Variants in EGFLAM observed in about 807,000 individuals in gnomAD.
EGFLAM encodes the protein pikachurin.
In EGFLAM, 79 loss-of-function variants were observed where a neutral mutation model predicts 113.1. The observed-to-expected ratio is 0.70, with a 90% confidence interval of 0.58 to 0.84. EGFLAM has a LOEUF of 0.84. Among genes scored for constraint, EGFLAM ranks in the 40% least tolerant of loss-of-function variants. The probability of loss-of-function intolerance (pLI) is 0.00; values close to 1 mark genes in which losing one functional copy is unlikely to be tolerated. For synonymous variants in EGFLAM, 504 were observed against 487.6 expected, an observed-to-expected ratio of 1.03 and a Z score of -0.44; for missense variants, 1,265 against 1,291.6, an observed-to-expected ratio of 0.98 and a Z score of 0.32.
intron 18 of EGFLAM, among the ~76,000 whole-genome samples, chr5:38,450,495 A>T (rs1283753514): frequency 6.6e-6 from 1 of 152,248 alleles, no homozygotes; most frequent in Non-Finnish European, 1.5e-5. Flanking sequence ...TAGAGAATGG[A>T]CAAAGAAACT....
intron 1 of EGFLAM, among the ~76,000 whole-genome samples, chr5:38,317,799 A>G (rs1252796999): frequency 6.6e-6 from 1 of 152,216 alleles, no homozygotes; most frequent in East Asian, 1.9e-4. Context: ...AAATGTTTCA[A>G]GCTTCGATCA....
chr5:38,438,966 T>A (rs1489323356), intron 17 of EGFLAM, among the ~76,000 whole-genome samples: 5 of 152,234 alleles, frequency 3.3e-5, no homozygotes, highest in African/African-American at 4.8e-5. Context: ...TGCTATTTTT[T>A]AGGCTATCAA....
chr5:38,372,331 C>T (rs62353604), intron 6 of EGFLAM, among the ~76,000 whole-genome samples: 5,566 of 152,084 alleles, frequency 0.037, 156 homozygotes, highest in Middle Eastern at 0.075. Context: ...TTAGTAGAGA[C>T]GGGGTTTCAC....
intron 1 of EGFLAM, among the ~76,000 whole-genome samples, chr5:38,280,471 G>A (rs916775785): frequency 6.6e-6 from 1 of 152,134 alleles, no homozygotes; most frequent in South Asian, 2.1e-4. Flanking sequence ...ATGAGAGCAG[G>A]GGAGAGAATT....
chr5:38,463,814 C>A lies in EGFLAM; in HGVS notation c.2876-18C>A. ...CCTGTCCTTTGGCTCACCTCATCTC[C>A]CTCTTGCTTCCTGGCAGGTGGAATG... is the stretch of plus-strand genomic sequence containing the variant. On this transcript the variant is annotated intron_variant, in intron 21 of 21. Transcript: ENST00000322350. 6.2e-7 allele frequency: 1 copy of A among 1,611,058 alleles called. No homozygotes were observed. The highest frequency in any genetic ancestry group is 1.3e-5 in the African/African-American group (1 of 74,984).
intron 6 of EGFLAM, chr5:38,402,075 AG>A (rs1454710277): frequency 6.6e-6 from 1 of 152,226 alleles, no homozygotes; most frequent in Non-Finnish European, 1.5e-5. Context: ...CTGGGAGAAT[AG>A]GTAGGCTGTG....
Position 38,370,306 on chromosome 5 carries a change from G to T in EGFLAM, c.556G>T (p.Asp186Tyr). The T allele has an allele frequency of 6.2e-7, 1 of 1,613,050 alleles. No individual in the cohort carries two copies. The highest frequency in any genetic ancestry group is 8.5e-7 in the Non-Finnish European group (1 of 1,179,294). The change falls in exon 6 of 22, where the codon GAC becomes TAC. Residue 186 changes from aspartate (D) to tyrosine (Y), a missense_variant. Physicochemically the swap from Asp to Tyr is radical, Grantham distance 160. Transcript: ENST00000322350. ...TTCTAATCAATAAAGGCCAGATTTC[G>T]ACAAGAAGTGGACCTCAATCCATGA... ...YSVEFIRPDF[D>Y]KKWTSIHERI...
chr5:38,462,903 T>TGCA lies in EGFLAM; in HGVS notation c.2772-3_2772-1dup, dbSNP rs1743336056. On this transcript the variant is annotated splice_polypyrimidine_tract_variant and splice_region_variant and intron_variant, in intron 20 of 21. Transcript: ENST00000322350. ...TTTGTTCTTTTTTGTTTTGGTGTTT[T>TGCA]GCAGGGATGGCCAGTCAGGAAAGAT... 2.5e-6 allele frequency: 4 copies of TGCA among 1,613,994 alleles called. No individual in the cohort carries two copies. The African/African-American group carries it at 5.3e-5, about 22-fold the overall frequency.
chr5:38,412,755 C>T, intron 11 of EGFLAM, 107 bp downstream of exon 11: 3 of 1,459,678 alleles, frequency 2.1e-6, no homozygotes, highest in South Asian at 2.8e-5. Flanking sequence ...GATTCAAGTT[C>T]TGGATGGGCT....
intron 1 of EGFLAM, among the ~76,000 whole-genome samples, chr5:38,312,243 A>ATTTTTT (rs35055096): frequency 1.4e-5 from 2 of 140,242 alleles, no homozygotes; most frequent in African/African-American, 5.3e-5. Flanking sequence ...TGTATCTCAG[A>ATTTTTT]TTTTTTTTTT....
At chr5:38,370,903 C>T (rs1740196656) in intron 6 of EGFLAM, among the ~76,000 whole-genome samples, 1 of 152,110 alleles carries the variant, frequency 6.6e-6, no homozygotes. Context: ...GAATGATGGT[C>T]GAGGAGTATC....
chr5:38,328,819 A>G (rs540612285), intron 1 of EGFLAM, among the ~76,000 whole-genome samples: 2 of 149,428 alleles, frequency 1.3e-5, no homozygotes, highest in Admixed American at 6.7e-5. Context: ...TATAATAAAG[A>G]TATCCTTTGG....
intron 17 of EGFLAM, among the ~76,000 whole-genome samples, chr5:38,439,220 G>C (rs145068512): frequency 6.6e-6 from 1 of 152,284 alleles, no homozygotes; most frequent in Non-Finnish European, 1.5e-5. Context: ...TAGACTGAAA[G>C]CCAAGGCAGG....
In EGFLAM at chr5:38,464,202, CTG is replaced by C. The variant is rs112622955; in HGVS notation, c.*220_*221del. 3,761 of 589,516 alleles carry C rather than the reference CTG, an allele frequency of 6.4e-3. 98 individuals carry two copies. The highest frequency in any genetic ancestry group is 0.059 in the African/African-American group (3,161 of 53,920). 36.5% of individuals were successfully genotyped at this position (589,516 alleles called of 1,614,324 possible). On this transcript the variant is annotated 3_prime_UTR_variant, in exon 22 of 22. Transcript: ENST00000322350. ...CCACGAGCTGACCCAGCAGAATTCT[CTG>C]TGTAGGAAGCATCGGACTTTGTCCA...
rs908671276 is a variant in EGFLAM, at chr5:38,463,827, G to A, written c.2876-5G>A. The stretch of plus-strand genomic sequence containing the variant: ...TCACCTCATCTCCCTCTTGCTTCCT[G>A]GCAGGTGGAATGAAGGAAATTGCTC... On this transcript the variant is annotated splice_region_variant and splice_polypyrimidine_tract_variant and intron_variant, in intron 21 of 21. Coordinates refer to ENST00000322350, the MANE Select transcript of EGFLAM (RefSeq NM_152403.4). 1 of 1,612,062 alleles carries A rather than the reference G, an allele frequency of 6.2e-7. No homozygotes were observed. The highest frequency in any genetic ancestry group is 1.3e-5 in the African/African-American group (1 of 74,864).
rs1325529496 is a variant in EGFLAM at position 38,445,803 on chromosome 5, A to T, written c.2465-2498A>T. 11 of 1,267,854 alleles carry T rather than the reference A, an allele frequency of 8.7e-6. No individual in the cohort carries two copies. In the East Asian group the frequency reaches 2.5e-4, roughly 29 times the overall value. The allele number at this position is 1,267,854 out of a possible 1,614,324, so 78.5% of individuals were successfully genotyped here. On this transcript the variant is annotated intron_variant, in intron 17 of 21. Transcript: ENST00000322350. ...CGGGGTGAGTGGTGTGGGAGCTGGG[A>T]CATGCCTACGCGTGGTGGGAAGCCT...
intron 6 of EGFLAM, among the ~76,000 whole-genome samples, chr5:38,395,275 G>A (rs114061584): frequency 1.4e-5 from 2 of 144,020 alleles, no homozygotes; most frequent in Non-Finnish European, 1.5e-5. Flanking sequence ...ACTGGGTCTC[G>A]GTCTGTCACC....
intron 13 of EGFLAM, 97 bp from the exon 14 acceptor site, chr5:38,426,912 T>C (rs1374507189): frequency 1.3e-6 from 2 of 1,522,744 alleles, no homozygotes; most frequent in East Asian, 2.3e-5. Flanking sequence ...AATTGTAGTT[T>C]AGGTCTGTAC....
chr5:38,461,962 G>T (rs1267690300), intron 20 of EGFLAM, among the ~76,000 whole-genome samples: 3 of 151,942 alleles, frequency 2.0e-5, no homozygotes, highest in Non-Finnish European at 4.4e-5. Context: ...TCAGGAGATC[G>T]AGACCATCCT....
Sources: allele counts gnomAD v4.1 joint callset (sites outside exome capture counted in the v4.1 genomes callset), GRCh38; gene constraint gnomAD v4.1.1; transcripts MANE v1.5; gene names NCBI Gene and HGNC (gene_info 2026-07-23, HGNC 2026-07-21).